Variants in SERGEF observed in about 807,000 individuals in gnomAD.
SERGEF encodes the protein secretion-regulating guanine nucleotide exchange factor.
Under a neutral mutation model 50.0 loss-of-function variants are expected in SERGEF, and 51 were observed. That is an observed-to-expected ratio of 1.02 (90% CI 0.81 to 1.29). The LOEUF (loss-of-function observed/expected upper bound fraction) is 1.29, where lower values mean the gene tolerates loss of function less well. SERGEF is among the 50% of genes most tolerant of loss of function. The probability of loss-of-function intolerance (pLI) is 0.00; values close to 1 mark genes in which losing one functional copy is unlikely to be tolerated. For synonymous variants in SERGEF, 205 were observed against 212.4 expected (o/e 0.97, Z 0.30); for missense variants, 521 against 557.0 (o/e 0.94, Z 0.65).
rs187383455 is a variant in SERGEF at position 17,884,295 on chromosome 11, G to A, written c.1012-6051C>T. Among the ~76,000 whole-genome samples the A allele has an allele frequency of 1.3e-5, 2 of 152,330 alleles. No homozygotes were observed. The highest frequency in any genetic ancestry group is 2.9e-5 in the Non-Finnish European group (2 of 68,026). Reference sequence around the variant, plus strand: ...TGGGTTATGCTCTGTGCCGCACTGCGAGCCCTTGGCGGGCACAGCCGCCAG... The same window carrying A: ...TGGGTTATGCTCTGTGCCGCACTGCAAGCCCTTGGCGGGCACAGCCGCCAG... On this transcript the variant is annotated intron_variant, in intron 9 of 10. Coordinates refer to ENST00000265965, the MANE Select transcript of SERGEF (RefSeq NM_012139.4). This position sits in a 1 kb window ranked among gnomAD's most constrained non-coding sequence, Gnocchi z 4.6.
intron 1 of SERGEF, among the ~76,000 whole-genome samples, chr11:18,009,282 C>A (rs969150429): frequency 6.6e-6 from 1 of 152,080 alleles, no homozygotes; most frequent in Non-Finnish European, 1.5e-5. Context: ...ACCATGATTT[C>A]GATATGAGAA....
At chr11:18,012,434 T>C (rs1290410161) in intron 1 of SERGEF, 3 of 985,360 alleles carry the variant, frequency 3.0e-6, no homozygotes, top group Non-Finnish European at 3.7e-6. Context: ...CAAGAACCGG[T>C]CACAGCAGAG....
chr11:18,006,612 C>T lies in SERGEF; in HGVS notation c.331G>A (p.Asp111Asn). 7 of 1,613,908 alleles carry T rather than the reference C, an allele frequency of 4.3e-6. No individual in the cohort carries two copies. The highest frequency in any genetic ancestry group is 5.1e-6 in the Non-Finnish European group (6 of 1,179,930). The part of the protein sequence containing the change: ...CPIQQVACGW[D>N]FTIMLTENGQ... ...TCACCTGTGAGCATAATCGTAAAAT[C>T]CCAGCCACAGGCCACCTGTTGGATG... is the stretch of plus-strand genomic sequence containing the variant. The change falls in exon 3 of 11, where the codon GAT becomes AAT. Residue 111 changes from aspartate to asparagine, a missense_variant. By Grantham distance (23) the Asp-to-Asn change is conservative. Coordinates refer to ENST00000265965, the MANE Select transcript of SERGEF (RefSeq NM_012139.4).
At chr11:17,980,752 T>A (rs1043901039) in intron 8 of SERGEF, among the ~76,000 whole-genome samples, 3 of 152,250 alleles carry the variant, frequency 2.0e-5, no homozygotes, top group African/African-American at 7.2e-5. Flanking sequence ...AACCAATCTC[T>A]CTTCAATTTT....
chr11:18,009,687 G>A (rs181835709), intron 1 of SERGEF, among the ~76,000 whole-genome samples: 1 of 152,232 alleles, frequency 6.6e-6, no homozygotes, highest in East Asian at 1.9e-4. Flanking sequence ...ATTCCAGTAA[G>A]GGGACAGATT....
intron 9 of SERGEF, among the ~76,000 whole-genome samples, chr11:17,941,922 A>G (rs1852569734): frequency 6.6e-6 from 1 of 152,116 alleles, no homozygotes; most frequent in African/African-American, 2.4e-5. Context: ...GGTCATTTGT[A>G]TATTATCTTT....
At chr11:17,958,268 G>A (rs946420111) in intron 9 of SERGEF, among the ~76,000 whole-genome samples, 1 of 152,184 alleles carries the variant, frequency 6.6e-6, no homozygotes, top group Non-Finnish European at 1.5e-5. Flanking sequence ...TCATTAGTCT[G>A]ATGCTAATTA....
At chr11:17,885,571 C>T (rs1400913262) in intron 9 of SERGEF, among the ~76,000 whole-genome samples, 1 of 152,036 alleles carries the variant, frequency 6.6e-6, no homozygotes, top group Non-Finnish European at 1.5e-5. Flanking sequence ...CGACCCTCCT[C>T]CCTCGGCCTC....
At chr11:17,929,640 G>T (rs772246621) in intron 9 of SERGEF, among the ~76,000 whole-genome samples, 5 of 152,128 alleles carry the variant, frequency 3.3e-5, no homozygotes, top group Non-Finnish European at 7.4e-5. Flanking sequence ...TATGCCAGGC[G>T]CTGTGCTAGG....
At chr11:17,935,495 A>G (rs1457998376) in intron 9 of SERGEF, among the ~76,000 whole-genome samples, 2 of 152,128 alleles carry the variant, frequency 1.3e-5, no homozygotes, top group African/African-American at 4.8e-5. Context: ...AACACCAAAA[A>G]CTAAGAATGT....
At chr11:18,002,127 CA>C (rs1217687035) in intron 4 of SERGEF, 5 of 415,064 alleles carry the variant, frequency 1.2e-5, no homozygotes, top group Non-Finnish European at 1.9e-5. Context: ...ACAATTTGAA[CA>C]TATTGTCCTT....
intron 9 of SERGEF, among the ~76,000 whole-genome samples, chr11:17,892,961 C>T (rs1851559542): frequency 6.6e-6 from 1 of 152,190 alleles, no homozygotes; most frequent in Admixed American, 6.5e-5. Context: ...CACATGATTA[C>T]AAAGTGGTCT....
In SERGEF at chr11:17,959,569, A is replaced by T; in HGVS notation, c.912T>A (p.Tyr304Ter). 1.9e-6 allele frequency: 3 copies of T among 1,614,206 alleles called. No homozygotes were observed. The highest frequency in any genetic ancestry group is 2.5e-6 in the Non-Finnish European group (3 of 1,180,014). Residue 304 changes from tyrosine to a stop codon, truncating the protein, a stop_gained, in exon 9 of 11, where the codon TAT (tyrosine) becomes TAA (stop). Transcript: ENST00000265965. LOFTEE classifies it high-confidence loss of function. ...YGQLGRKLET[Y>*]EGWKLEKQDS... ...CTTGCTTTTCTAGTTTCCAGCCTTC[A>T]TAAGTCTCCAACTTCCTCCCTAGCT...
chr11:17,985,011 G>A (rs957703226), intron 8 of SERGEF, among the ~76,000 whole-genome samples: 2 of 152,132 alleles, frequency 1.3e-5, no homozygotes, highest in Non-Finnish European at 2.9e-5. Context: ...ATTAGGCCAC[G>A]AAAATCTTCC....
intron 5 of SERGEF, chr11:17,999,502 T>C: frequency 2.2e-6 from 1 of 449,408 alleles, no homozygotes. Flanking sequence ...ACCTCCTCTC[T>C]CCTTCCTCCA....
rs538273408 is a variant in SERGEF, at chr11:17,944,178, C to T, written c.1011+15292G>A. Reference sequence around the variant, plus strand: ...TCCTGACCTCATGATCCGCCCGCCTCGGCCTCCCAAAGTGCTGGGATTACA... The same window carrying T: ...TCCTGACCTCATGATCCGCCCGCCTTGGCCTCCCAAAGTGCTGGGATTACA... On this transcript the variant is annotated intron_variant, in intron 9 of 10. Transcript: ENST00000265965. 5.9e-5 allele frequency among the ~76,000 whole-genome samples: 9 copies of T among 152,270 alleles called. No homozygotes were observed. In the South Asian group the frequency reaches 1.9e-3, roughly 32 times the overall value.
intron 10 of SERGEF, among the ~76,000 whole-genome samples, chr11:17,822,602 A>G (rs1201281012): frequency 6.6e-6 from 1 of 152,144 alleles, no homozygotes; most frequent in Admixed American, 6.5e-5. Context: ...GAGAGGCAGG[A>G]GTGGAATCTG....
At chr11:17,853,648 T>C (rs1850755310) in intron 10 of SERGEF, 2 of 152,096 alleles carry the variant, frequency 1.3e-5, no homozygotes, top group Non-Finnish European at 2.9e-5. Flanking sequence ...ACCTTTGCAA[T>C]AGCTTCTTGG....
rs1213330445 is a variant in SERGEF at position 17,910,189 on chromosome 11, A to ACTCT, written c.1012-31946_1012-31945insAGAG. On this transcript the variant is annotated intron_variant, in intron 9 of 10. Coordinates refer to ENST00000265965, the MANE Select transcript of SERGEF (RefSeq NM_012139.4). Reference sequence around the variant, plus strand: ...GCCACCTACACACACACACACACACACACACTCTCTCTCTCTCTCTCTCTT... The same window carrying ACTCT: ...GCCACCTACACACACACACACACACACTCTCACACTCTCTCTCTCTCTCTCTCTT... Among the ~76,000 whole-genome samples, 554 of 90,782 alleles carry ACTCT rather than the reference A, an allele frequency of 6.1e-3. 5 individuals carry two copies. The highest frequency in any genetic ancestry group is 0.03 in the South Asian group (67 of 2,214). The allele number at this position is 90,782 out of a possible 152,430, so 59.6% of individuals were successfully genotyped here.
Sources: allele counts gnomAD v4.1 joint callset (sites outside exome capture counted in the v4.1 genomes callset), GRCh38; gene constraint gnomAD v4.1.1; non-coding constraint Gnocchi (gnomAD v3.1); transcripts MANE v1.5; gene names NCBI Gene and HGNC (gene_info 2026-07-23, HGNC 2026-07-21).